The following PLEKHM2 variants were observed in gnomAD, a reference collection of about 807,000 sequenced individuals.
The protein encoded by PLEKHM2 is pleckstrin homology domain-containing family M member 2.
Under a neutral mutation model 116.3 loss-of-function variants are expected in PLEKHM2, and 77 were observed. The ratio of observed to expected loss-of-function variants is 0.66; its 90% CI spans 0.55 to 0.80. PLEKHM2 has a LOEUF of 0.80. Among genes scored for constraint, PLEKHM2 ranks in the 30% least tolerant of loss-of-function variants. PLEKHM2 has a pLI of 0.00. For synonymous variants in PLEKHM2, 562 were observed against 571.0 expected (o/e 0.98, Z 0.22); for missense variants, 1,183 against 1,354.9 (o/e 0.87, Z 1.99).
chr1:15,727,861 C>A lies in PLEKHM2; in HGVS notation c.1760+29C>A. The A allele has an allele frequency of 6.8e-7, 1 of 1,480,718 alleles. No individual in the cohort carries two copies. Among genetic ancestry groups the A allele is most frequent in the Non-Finnish European group, 9.1e-7 (1 of 1,094,438 alleles). The allele number at this position is 1,480,718 out of a possible 1,614,324, so 91.7% of individuals were successfully genotyped here. A position where few individuals can be genotyped will look rare whatever the true frequency, so the allele number is the denominator to read the frequency against. On this transcript the variant is annotated intron_variant, in intron 9 of 19. Coordinates refer to ENST00000375799, the MANE Select transcript of PLEKHM2 (RefSeq NM_015164.4). This position sits in a 1 kb window ranked among gnomAD's most constrained non-coding sequence, Gnocchi z 7.5. ...ACAAGACTCTGCAGCTGGCATGGGACTCTCCCAGCCCTTGAAGCTGGGGAC... is the reference window on the plus strand; with the variant it reads ...ACAAGACTCTGCAGCTGGCATGGGAATCTCCCAGCCCTTGAAGCTGGGGAC...
chr1:15,682,903 TAAG>T (rs1289997206), upstream of PLEKHM2: 1 of 152,010 alleles, frequency 6.6e-6, no homozygotes, highest in Non-Finnish European at 1.5e-5. Context: ...TTTGGGAACT[TAAG>T]GAGGGAAGAG....
chr1:15,730,829 G>A, intron 15 of PLEKHM2, 107 bp downstream of exon 15: 1 of 892,590 alleles, frequency 1.1e-6, no homozygotes, highest in South Asian at 1.7e-5. Context: ...GGAGCAGCCT[G>A]AGGAGAGGAC....
In PLEKHM2 at chr1:15,727,456, A is replaced by T. The variant is rs375612582; in HGVS notation, c.1384A>T (p.Met462Leu). ...CTTTAGTGAGGGGCTTTCAGCCCCA[A>T]TGGACTTCTACCGCTTTACCGTCGA... ...CDFSEGLSAP[M>L]DFYRFTVESP... is the part of the protein sequence containing the mutation. The change falls in exon 9 of 20, where the codon ATG (methionine) becomes TTG (leucine). Residue 462 changes from methionine (M) to leucine (L), a missense_variant. Physicochemically the swap from Met to Leu is conservative, Grantham distance 15. Around this residue, in one of 3 missense-constraint regions of PLEKHM2, gnomAD observed 372 missense variants for 357.2 expected, o/e 1.04. Coordinates refer to ENST00000375799, the MANE Select transcript of PLEKHM2 (RefSeq NM_015164.4). The surrounding 1 kb of genome is among the most constrained non-coding windows in gnomAD (Gnocchi z 7.5). 4.4e-6 allele frequency: 7 copies of T among 1,604,590 alleles called. No individual in the cohort carries two copies. The highest frequency in any genetic ancestry group is 5.1e-6 in the Non-Finnish European group (6 of 1,176,340).
intron 1 of PLEKHM2, among the ~76,000 whole-genome samples, chr1:15,708,897 A>G (rs1002215812): frequency 1.1e-4 from 17 of 152,222 alleles, no homozygotes; most frequent in African/African-American, 4.1e-4. Flanking sequence ...ATAGCTGCTA[A>G]CATTTGTTAA....
At position 15,728,294 on chromosome 1, in the gene PLEKHM2, G is replaced by A; in HGVS notation, c.1858G>A (p.Glu620Lys). The change falls in exon 11 of 20, where the codon GAG (glutamate) becomes AAG (lysine). Residue 620 changes from glutamate to lysine, a missense_variant. Glu to Lys is a moderately conservative substitution (Grantham distance 56). Around this residue, in one of 3 missense-constraint regions of PLEKHM2, gnomAD observed 594 missense variants for 720.1 expected, o/e 0.82. Transcript: ENST00000375799. This position sits in a 1 kb window ranked among gnomAD's most constrained non-coding sequence, Gnocchi z 5.9. The part of the protein sequence containing the change: ...KMIRMSTGHM[E>K]GNLQLLYVLL... ...GATCCGGATGAGCACCGGGCACATG[G>A]AGGGCAACCTGCAGCTGCTGTACGT... 12 of 1,613,368 alleles carry A rather than the reference G, an allele frequency of 7.4e-6. No individual in the cohort carries two copies. The highest frequency in any genetic ancestry group is 2.2e-5 in the East Asian group (1 of 44,882).
In PLEKHM2 at chr1:15,727,932, G is replaced by T; in HGVS notation, c.1760+100G>T. 1 of 1,224,550 alleles carries T rather than the reference G, an allele frequency of 8.2e-7. No homozygotes were observed. The highest frequency in any genetic ancestry group is 2.5e-5 in the East Asian group (1 of 39,380). 75.9% of individuals were successfully genotyped at this position (1,224,550 alleles called of 1,614,324 possible). ...ATAAATTAAGCACTAGGAAGACCTAGCCTGAGTGAGAAGGGGTGTGAGCCT... is the reference window on the plus strand; with the variant it reads ...ATAAATTAAGCACTAGGAAGACCTATCCTGAGTGAGAAGGGGTGTGAGCCT... On this transcript the variant is annotated intron_variant, in intron 9 of 19. Transcript: ENST00000375799. The surrounding 1 kb of genome is among the most constrained non-coding windows in gnomAD (Gnocchi z 7.5).
At chr1:15,711,591 T>C (rs1253622341) in intron 1 of PLEKHM2, among the ~76,000 whole-genome samples, 1 of 148,116 alleles carries the variant, frequency 6.8e-6, no homozygotes, top group African/African-American at 2.5e-5. Context: ...CACTCCAGCC[T>C]GGGCAACAGA....
At chr1:15,722,830 T>G (rs930554709) in intron 7 of PLEKHM2, 3 of 147,976 alleles carry the variant, frequency 2.0e-5, no homozygotes, top group East Asian at 1.9e-4. Flanking sequence ...CTGGATATTG[T>G]TTTTTTTTCC....
upstream of PLEKHM2, chr1:15,681,619 CA>C (rs952899698): frequency 4.3e-6 from 2 of 465,728 alleles, no homozygotes; most frequent in African/African-American, 2.0e-5. Context: ...GAGCTGCATC[CA>C]GCAGGTTGGG....
chr1:15,725,277 G>T (rs2068047497), intron 7 of PLEKHM2, 40 bp from the exon 8 acceptor site: 2 of 1,462,900 alleles, frequency 1.4e-6, no homozygotes, highest in African/African-American at 1.4e-5. Context: ...GACCCCGGGG[G>T]GTGCCTGACA....
At chr1:15,684,758 C>G (rs1216923798) in intron 1 of PLEKHM2, 140 bp downstream of exon 1, 3 of 339,992 alleles carry the variant, frequency 8.8e-6, no homozygotes, top group Non-Finnish European at 1.5e-5. Context: ...AGCCCCGGGC[C>G]GGTAGAGGGG....
intron 1 of PLEKHM2, among the ~76,000 whole-genome samples, chr1:15,708,309 C>G (rs1641265559): frequency 6.6e-6 from 1 of 151,684 alleles, no homozygotes; most frequent in Admixed American, 6.6e-5. Flanking sequence ...CTCCACCTCC[C>G]TGGTTCAAGC....
chr1:15,716,837 G>T, intron 3 of PLEKHM2, 21 bp downstream of exon 3: 1 of 1,552,694 alleles, frequency 6.4e-7, no homozygotes, highest in South Asian at 1.2e-5. Context: ...ACAAGGAGAC[G>T]CTGGGGAAGG....
intron 1 of PLEKHM2, among the ~76,000 whole-genome samples, chr1:15,690,408 T>C (rs544120635): frequency 1.5e-3 from 224 of 152,360 alleles, no homozygotes; most frequent in Non-Finnish European, 2.5e-3. Context: ...CAACTTTTTC[T>C]TAAAAGGCCA....
intron 8 of PLEKHM2, chr1:15,725,754 G>A (rs944427077): frequency 4.3e-5 from 25 of 580,180 alleles, no homozygotes; most frequent in South Asian, 1.9e-4. Context: ...ACAAAGCACC[G>A]CAGACAGGCG....
chr1:15,733,263 C>G (rs967637567), intron 19 of PLEKHM2, among the ~76,000 whole-genome samples: 1 of 152,266 alleles, frequency 6.6e-6, no homozygotes, highest in Non-Finnish European at 1.5e-5. Flanking sequence ...AAGCTGAAAA[C>G]AGAACCCAAG....
Position 15,719,814 on chromosome 1 carries a change from T to G in PLEKHM2, c.546T>G (p.Leu182=), listed in dbSNP as rs755303082. The change falls in exon 6 of 20, where the codon CTT becomes CTG. Residue 182 remains leucine, a synonymous_variant. Coordinates refer to ENST00000375799, the MANE Select transcript of PLEKHM2 (RefSeq NM_015164.4). The surrounding 1 kb of genome is among the most constrained non-coding windows in gnomAD (Gnocchi z 4.1). The part of the protein sequence containing the change: ...PQYLLDFEDR[L]PSSVHGSDSL... ...ACCTGCTGGACTTTGAAGACCGCCTTCCCAGCTCGGTCCACGGCTCAGACA... is the reference window on the plus strand; with the variant it reads ...ACCTGCTGGACTTTGAAGACCGCCTGCCCAGCTCGGTCCACGGCTCAGACA... 1 of 1,613,826 alleles carries G rather than the reference T, an allele frequency of 6.2e-7. No individual in the cohort carries two copies. Among genetic ancestry groups the G allele is most frequent in the Non-Finnish European group, 8.5e-7 (1 of 1,179,804 alleles).
chr1:15,704,298 G>A (rs1027350361), intron 1 of PLEKHM2, among the ~76,000 whole-genome samples: 2 of 151,166 alleles, frequency 1.3e-5, no homozygotes, highest in Admixed American at 6.6e-5. Flanking sequence ...CACTCCCTCC[G>A]TCCCTCCCTC....
intron 1 of PLEKHM2, among the ~76,000 whole-genome samples, chr1:15,710,793 C>G (rs1641316289): frequency 6.6e-6 from 1 of 152,204 alleles, no homozygotes; most frequent in Non-Finnish European, 1.5e-5. Flanking sequence ...CACAGATCAG[C>G]CAGGCATAGT....
Sources: allele counts gnomAD v4.1 joint callset (sites outside exome capture counted in the v4.1 genomes callset), GRCh38; gene constraint gnomAD v4.1.1; regional missense constraint gnomAD v4.1.1; non-coding constraint Gnocchi (gnomAD v3.1); transcripts MANE v1.5; gene names NCBI Gene and HGNC (gene_info 2026-07-23, HGNC 2026-07-21).